ARHGAP32: variants seen among roughly 807,000 people sequenced by gnomAD.
ARHGAP32 encodes Rho GTPase activating protein 32, also known as rho GTPase-activating protein 32.
In ARHGAP32, 51 loss-of-function variants were observed where a neutral mutation model predicts 186.5. The ratio of observed to expected loss-of-function variants is 0.27; its 90% CI spans 0.22 to 0.35. The LOEUF (loss-of-function observed/expected upper bound fraction) is 0.35, where lower values mean the gene tolerates loss of function less well. Ranked by LOEUF, ARHGAP32 falls within the 10% of genes least tolerant of loss-of-function variation. ARHGAP32 has a pLI of 1.00. For missense variants in ARHGAP32, 2,186 were observed against 2,623.5 expected (o/e 0.83, Z 3.64); for synonymous variants, 950 against 964.3 (o/e 0.99, Z 0.27).
chr11:129,235,466 C>A (rs942913394), intron 1 of ARHGAP32, among the ~76,000 whole-genome samples: 1 of 152,142 alleles, frequency 6.6e-6, no homozygotes, highest in Non-Finnish European at 1.5e-5. Context: ...AGTAAGTTTG[C>A]ACCATTTTTG....
At chr11:129,173,033 A>C (rs1943804349) in intron 1 of ARHGAP32, among the ~76,000 whole-genome samples, 1 of 150,536 alleles carries the variant, frequency 6.6e-6, no homozygotes, top group Non-Finnish European at 1.5e-5. Context: ...TTTTTTTGAA[A>C]AAACAAACAA....
intron 11 of ARHGAP32, among the ~76,000 whole-genome samples, chr11:129,039,135 T>C (rs1939487092): frequency 1.3e-5 from 2 of 152,210 alleles, no homozygotes; most frequent in African/African-American, 4.8e-5. Flanking sequence ...TCTCATACAC[T>C]GCTGGTGGAA....
At position 129,062,348 on chromosome 11, in the gene ARHGAP32, T is replaced by C. The variant is rs1158116054; in HGVS notation, c.895A>G (p.Ile299Val). 18 of 1,613,358 alleles carry C rather than the reference T, an allele frequency of 1.1e-5. No homozygotes were observed. The highest frequency in any genetic ancestry group is 6.7e-5 in the African/African-American group (5 of 74,894). ...PDELTLEVGD[I>V]VSVIDMPPKV... Reference sequence around the variant, plus strand: ...GGGGGCATGTCAATAACAGAAACAATGTCTCCCACCTAGGAGAATCAAAAT... The same window carrying C: ...GGGGGCATGTCAATAACAGAAACAACGTCTCCCACCTAGGAGAATCAAAAT... Residue 299 changes from isoleucine (I) to valine (V), a missense_variant, in exon 10 of 23, where the codon ATT (isoleucine) becomes GTT (valine). Physicochemically the swap from Ile to Val is conservative, Grantham distance 29. Coordinates refer to ENST00000682385, the MANE Select transcript of ARHGAP32 (RefSeq NM_001378024.1).
Position 129,192,223 on chromosome 11 carries a change from C to G in ARHGAP32, c.-25G>C. 6.5e-7 allele frequency: 1 copy of G among 1,537,040 alleles called. No individual in the cohort carries two copies. Among genetic ancestry groups the G allele is most frequent in the Non-Finnish European group, 9.0e-7 (1 of 1,111,822 alleles). ...TCTTGTACTTAAAAAACAAAAAAAACTAAACCTCCAGGCATGGAATAAAAA... is the reference window on the plus strand; with the variant it reads ...TCTTGTACTTAAAAAACAAAAAAAAGTAAACCTCCAGGCATGGAATAAAAA... On this transcript the variant is annotated 5_prime_UTR_variant, in exon 1 of 23. It removes the in-frame stop codon of an upstream open reading frame in the 5' UTR. Transcript: ENST00000682385.
chr11:129,073,376 T>C (rs1357583472), intron 6 of ARHGAP32, among the ~76,000 whole-genome samples: 2 of 152,060 alleles, frequency 1.3e-5, no homozygotes, highest in Non-Finnish European at 1.5e-5. Context: ...CAAGAACAGA[T>C]GTAAGCAGAG....
chr11:129,074,998 C>T (rs1246875474), intron 6 of ARHGAP32, among the ~76,000 whole-genome samples: 1 of 152,054 alleles, frequency 6.6e-6, no homozygotes, highest in African/African-American at 2.4e-5. Context: ...ATATCACATT[C>T]TACACCTTAA....
At position 128,973,027 on chromosome 11, in the gene ARHGAP32, T is replaced by C. The variant is rs1591486055; in HGVS notation, c.3479A>G (p.Asp1160Gly). The C allele has an allele frequency of 6.2e-7, 1 of 1,614,098 alleles. No homozygotes were observed. Among genetic ancestry groups the C allele is most frequent in the African/African-American group, 1.3e-5 (1 of 75,020 alleles). ...TESGEQHHQV[D>G]LTGNQPHQAY... ...TTGATGTGGCTGATTCCCTGTTAAG[T>C]CTACTTGGTGATGTTGCTCCCCAGA... Residue 1160 changes from aspartate (D) to glycine (G), a missense_variant, in exon 22 of 23, where the codon GAC becomes GGC. Coordinates refer to ENST00000682385, the MANE Select transcript of ARHGAP32 (RefSeq NM_001378024.1).
chr11:128,986,739 AG>A, intron 13 of ARHGAP32, 71 bp from the exon 14 acceptor site: 1 of 1,485,258 alleles, frequency 6.7e-7, no homozygotes, highest in Non-Finnish European at 9.3e-7. Flanking sequence ...AAAAACAGAA[AG>A]CATAAGCTCC....
chr11:129,174,060 G>T (rs1943837862), intron 1 of ARHGAP32, among the ~76,000 whole-genome samples: 1 of 152,228 alleles, frequency 6.6e-6, no homozygotes, highest in Non-Finnish European at 1.5e-5. Context: ...GTGCCAGACA[G>T]TGGGCACAGG....
At chr11:129,093,503 T>G in intron 6 of ARHGAP32, 118 bp downstream of exon 6, 3 of 701,102 alleles carry the variant, frequency 4.3e-6, no homozygotes, top group Middle Eastern at 2.7e-4. Context: ...CAGTATTATA[T>G]AAGTATTTTT....
intron 10 of ARHGAP32, among the ~76,000 whole-genome samples, chr11:129,048,701 T>C (rs1009028784): frequency 2.0e-5 from 3 of 152,182 alleles, no homozygotes; most frequent in Admixed American, 6.5e-5. Flanking sequence ...TTGAACATAA[T>C]TGTTTATTGT....
intron 5 of ARHGAP32, among the ~76,000 whole-genome samples, chr11:129,112,137 G>A (rs1243910342): frequency 3.3e-5 from 5 of 152,074 alleles, no homozygotes; most frequent in African/African-American, 4.8e-5. Context: ...CAGCTACTCG[G>A]GAGGCTGAGA....
chr11:129,036,870 C>T (rs1169438000), intron 11 of ARHGAP32, among the ~76,000 whole-genome samples: 1 of 152,046 alleles, frequency 6.6e-6, no homozygotes, highest in East Asian at 1.9e-4. Flanking sequence ...CTCACAAGGA[C>T]CACTGGGCAA....
chr11:129,178,337 G>T (rs1446513741), intron 1 of ARHGAP32, among the ~76,000 whole-genome samples: 1 of 150,994 alleles, frequency 6.6e-6, no homozygotes, highest in East Asian at 1.9e-4. Context: ...TGGGTAGGAA[G>T]AATCAATATC....
chr11:128,974,477 G>A lies in ARHGAP32; in HGVS notation c.2720C>T (p.Pro907Leu), dbSNP rs1945486786. The part of the protein sequence containing the change: ...FTEKVVYAFS[P>L]KIGRKLSKSP... ...TTTGCTTAATTTCCGTCCTATCTTC[G>A]GAGAGAAAGCATAGACGACCTTTTC... is the stretch of plus-strand genomic sequence containing the variant. Residue 907 changes from proline to leucine, a missense_variant, in exon 21 of 23, where the codon CCG becomes CTG. Physicochemically the swap from Pro to Leu is moderately conservative, Grantham distance 98. Around this residue, in one of 5 missense-constraint regions of ARHGAP32, gnomAD observed 1,502 missense variants for 1,570.0 expected, o/e 0.96. Coordinates refer to ENST00000682385, the MANE Select transcript of ARHGAP32 (RefSeq NM_001378024.1). The A allele has an allele frequency of 1.5e-5, 24 of 1,613,984 alleles. No individual in the cohort carries two copies. Among genetic ancestry groups the A allele is most frequent in the Non-Finnish European group, 1.9e-5 (23 of 1,180,022 alleles).
chr11:129,234,609 G>C (rs1471101347), intron 1 of ARHGAP32, among the ~76,000 whole-genome samples: 2 of 151,972 alleles, frequency 1.3e-5, no homozygotes, highest in Non-Finnish European at 2.9e-5. Flanking sequence ...CTGTTTTCTA[G>C]GTTATTTTTC....
chr11:129,253,761 A>G (rs1945217538), intron 1 of ARHGAP32, among the ~76,000 whole-genome samples: 1 of 152,136 alleles, frequency 6.6e-6, no homozygotes, highest in Non-Finnish European at 1.5e-5. Context: ...TATTTTAATT[A>G]TCTTTATATT....
At chr11:128,971,321 G>A in intron 22 of ARHGAP32, 162 bp from the exon 23 acceptor site, 2 of 589,392 alleles carry the variant, frequency 3.4e-6, no homozygotes, top group South Asian at 2.5e-5. Flanking sequence ...GGAAAAGAAG[G>A]CTTGTGCTGC....
At chr11:129,034,247 G>A (rs2134982667) in intron 11 of ARHGAP32, among the ~76,000 whole-genome samples, 1 of 152,104 alleles carries the variant, frequency 6.6e-6, no homozygotes, top group South Asian at 2.1e-4. Context: ...CCATATGCAG[G>A]GGTCACTCTT....
Sources: gnomAD v4.1 joint callset for allele counts (sites outside exome capture counted in the v4.1 genomes callset) on GRCh38, gnomAD v4.1.1 for gene constraint, gnomAD v4.1.1 regional missense constraint, MANE v1.5 for transcripts, NCBI Gene and HGNC (gene_info 2026-07-23, HGNC 2026-07-21) for gene names.